ABTB3: variants seen among roughly 807,000 people sequenced by gnomAD.
ABTB3 encodes ankyrin repeat and BTB domain containing 3, also known as ankyrin repeat- and BTB/POZ domain-containing protein 3.
chr12:107,386,013 C>A, the ABTB3 span, among the ~76,000 whole-genome samples: 2 of 133,352 alleles, frequency 1.5e-5, no homozygotes, highest in African/African-American at 5.4e-5. Context: ...GTTGTGTGAC[C>A]TTGACCCAGG....
chr12:107,367,134 T>C, the ABTB3 span, among the ~76,000 whole-genome samples: 1 of 152,202 alleles, frequency 6.6e-6, no homozygotes, highest in Non-Finnish European at 1.5e-5. Flanking sequence ...CTTTGTCCTT[T>C]ATTGGAAGGT....
At chr12:107,508,566 T>C in the ABTB3 span, among the ~76,000 whole-genome samples, 2 of 148,222 alleles carry the variant, frequency 1.3e-5, no homozygotes, top group African/African-American at 5.0e-5. Flanking sequence ...GCAATTCTCC[T>C]GCCTCAGCCT....
the ABTB3 span, among the ~76,000 whole-genome samples, chr12:107,397,683 A>C: frequency 1.3e-5 from 2 of 152,194 alleles, no homozygotes; most frequent in African/African-American, 4.8e-5. Flanking sequence ...AGACCTGATA[A>C]TGTAAAGATA....
chr12:107,387,203 C>T, the ABTB3 span, among the ~76,000 whole-genome samples: 2 of 152,264 alleles, frequency 1.3e-5, no homozygotes, highest in Admixed American at 1.3e-4. Context: ...GTCTCGAACT[C>T]CTGACCTCAG....
At chr12:107,513,361 G>T in the ABTB3 span, among the ~76,000 whole-genome samples, 1 of 152,182 alleles carries the variant, frequency 6.6e-6, no homozygotes, top group Non-Finnish European at 1.5e-5. Flanking sequence ...AAGGGCGGGA[G>T]CAGGTGGAGG....
chr12:107,330,983 G>A, the ABTB3 span, among the ~76,000 whole-genome samples: 1 of 152,290 alleles, frequency 6.6e-6, no homozygotes, highest in African/African-American at 2.4e-5. Context: ...TTGAGGAGGG[G>A]TAAGTGAAAT....
chr12:107,615,986 G>A, the ABTB3 span, among the ~76,000 whole-genome samples: 1 of 152,038 alleles, frequency 6.6e-6, no homozygotes, highest in Non-Finnish European at 1.5e-5. Flanking sequence ...CTGCAATGCT[G>A]GAATTTCATG....
the ABTB3 span, among the ~76,000 whole-genome samples, chr12:107,506,818 T>A: frequency 6.6e-6 from 1 of 152,304 alleles, no homozygotes; most frequent in East Asian, 1.9e-4. Flanking sequence ...AATAAATATT[T>A]GTTGAGTGAG....
the ABTB3 span, chr12:107,642,133 T>C: frequency 6.2e-7 from 1 of 1,614,068 alleles, no homozygotes; most frequent in Non-Finnish European, 8.5e-7. Context: ...TGATGGCACC[T>C]GCATAGAGAT....
the ABTB3 span, among the ~76,000 whole-genome samples, chr12:107,530,612 C>T: frequency 4.6e-5 from 7 of 152,108 alleles, no homozygotes; most frequent in Admixed American, 4.6e-4. Context: ...TTGAATTTTG[C>T]TCTTTTCTAC....
the ABTB3 span, among the ~76,000 whole-genome samples, chr12:107,607,770 C>T: frequency 1.3e-5 from 2 of 152,152 alleles, no homozygotes; most frequent in Non-Finnish European, 2.9e-5. Context: ...ATTCCCATTC[C>T]GGAATAGTTT....
the ABTB3 span, among the ~76,000 whole-genome samples, chr12:107,497,186 CCACCACCATCACTAT>C: frequency 6.6e-6 from 1 of 151,790 alleles, no homozygotes; most frequent in East Asian, 1.9e-4. Context: ...ATCCTCAATA[CCACCACCATCACTAT>C]CACCACCATC....
chr12:107,590,282 G>A, the ABTB3 span, among the ~76,000 whole-genome samples: 1 of 152,232 alleles, frequency 6.6e-6, no homozygotes, highest in Admixed American at 6.5e-5. Flanking sequence ...CAACTCAGGT[G>A]TAGAACTCAG....
At chr12:107,338,104 C>G in the ABTB3 span, among the ~76,000 whole-genome samples, 2 of 152,200 alleles carry the variant, frequency 1.3e-5, no homozygotes, top group Non-Finnish European at 2.9e-5. Flanking sequence ...TTCAAATACT[C>G]TATCTGAGCC....
the ABTB3 span, among the ~76,000 whole-genome samples, chr12:107,377,920 G>A: frequency 6.6e-6 from 1 of 152,174 alleles, no homozygotes; most frequent in Non-Finnish European, 1.5e-5. Context: ...GTAGTTTCCA[G>A]AAGGACCACA....
chr12:107,561,045 G>A, the ABTB3 span, among the ~76,000 whole-genome samples: 1 of 152,222 alleles, frequency 6.6e-6, no homozygotes, highest in Middle Eastern at 3.2e-3. Context: ...TTTAGGCCAA[G>A]TGTGCTGGCG....
At chr12:107,464,206 AGT>A in the ABTB3 span, among the ~76,000 whole-genome samples, 3,694 of 133,406 alleles carry the variant, frequency 0.028, 65 homozygotes, top group East Asian at 0.1. Flanking sequence ...ACATGTGAAG[AGT>A]GTGTGTGTGT....
chr12:107,358,957 T>C, the ABTB3 span, among the ~76,000 whole-genome samples: 1 of 152,212 alleles, frequency 6.6e-6, no homozygotes, highest in Non-Finnish European at 1.5e-5. Flanking sequence ...GCCATCTCTC[T>C]GCAGCATCCA....
the ABTB3 span, chr12:107,543,899 T>A: frequency 7.6e-6 from 12 of 1,574,616 alleles, no homozygotes; most frequent in Non-Finnish European, 1.0e-5. Flanking sequence ...CAATGTTGGC[T>A]TCCTGGAGGA....
Sources: allele counts gnomAD v4.1 joint callset (sites outside exome capture counted in the v4.1 genomes callset), GRCh38; gene constraint gnomAD v4.1.1; transcripts MANE v1.5; gene names NCBI Gene and HGNC (gene_info 2026-07-23, HGNC 2026-07-21).